VSTM2L: variants seen among roughly 807,000 people sequenced by gnomAD.
VSTM2L encodes the protein V-set and transmembrane domain containing 2 like.
In VSTM2L, 9 loss-of-function variants were observed where a neutral mutation model predicts 19.9. The ratio of observed to expected loss-of-function variants is 0.45; its 90% CI spans 0.27 to 0.79. VSTM2L has a LOEUF of 0.79. VSTM2L is among the 30% of genes least tolerant of loss of function. The pLI is 0.15. For missense variants in VSTM2L, 286 were observed against 295.5 expected, an observed-to-expected ratio of 0.97 and a Z score of 0.24; for synonymous variants, 127 against 133.8, an observed-to-expected ratio of 0.95 and a Z score of 0.35.
At position 37,945,089 on chromosome 20, in the gene VSTM2L, G is replaced by T; in HGVS notation, c.*836G>T. ...GTGCCAAGTCCGCCCCAGGGCCTGG[G>T]GCTGTTGGGAGCCAAGGGCCCCCTG... On this transcript the variant is annotated 3_prime_UTR_variant, in exon 4 of 4. Coordinates refer to ENST00000373461, the MANE Select transcript of VSTM2L (RefSeq NM_080607.3). 1.0e-6 allele frequency: 1 copy of T among 985,766 alleles called. No homozygotes were observed. Among genetic ancestry groups the T allele is most frequent in the Non-Finnish European group, 1.2e-6 (1 of 829,918 alleles). 61.1% of individuals were successfully genotyped at this position (985,766 alleles called of 1,614,324 possible). A position where few individuals can be genotyped will look rare whatever the true frequency, so the allele number is the denominator to read the frequency against.
chr20:37,927,407 C>T (rs1052501492), intron 1 of VSTM2L, among the ~76,000 whole-genome samples: 4 of 152,044 alleles, frequency 2.6e-5, no homozygotes, highest in African/African-American at 7.3e-5. Context: ...ATTCCATGCG[C>T]GCCTTGCAGT....
chr20:37,904,915 C>T (rs1397729338), intron 1 of VSTM2L, among the ~76,000 whole-genome samples: 2 of 152,122 alleles, frequency 1.3e-5, no homozygotes. Context: ...TTTACATACC[C>T]TTCATGCCCC....
intron 1 of VSTM2L, among the ~76,000 whole-genome samples, chr20:37,908,076 C>T (rs2072760469): frequency 6.6e-6 from 1 of 152,350 alleles, no homozygotes; most frequent in South Asian, 2.1e-4. Context: ...CTGCCTTGGG[C>T]TGAGGGTTTC....
chr20:37,903,250 C>G lies in VSTM2L; in HGVS notation c.-101C>G. 4.1e-6 allele frequency: 5 copies of G among 1,233,094 alleles called. No individual in the cohort carries two copies. Among genetic ancestry groups the G allele is most frequent in the Non-Finnish European group, 5.1e-6 (5 of 984,868 alleles). 76.4% of individuals were successfully genotyped at this position (1,233,094 alleles called of 1,614,324 possible). On this transcript the variant is annotated 5_prime_UTR_variant, in exon 1 of 4. Transcript: ENST00000373461. ...GCGGGCGAGGGGCAGCTGCCGGAGC[C>G]GGGCAGCCAGGCCGCTCAGGGCAGG...
intron 3 of VSTM2L, among the ~76,000 whole-genome samples, chr20:37,939,017 T>G (rs56283308): frequency 1.3e-5 from 2 of 152,066 alleles, no homozygotes; most frequent in Non-Finnish European, 2.9e-5. Flanking sequence ...GTGGCCTCTG[T>G]CACCAGCTGG....
Position 37,916,566 on chromosome 20 carries a change from C to T in VSTM2L, c.121+13095C>T, listed in dbSNP as rs1197910674. Among the ~76,000 whole-genome samples the T allele has an allele frequency of 2.6e-5, 4 of 152,260 alleles. No homozygotes were observed. The East Asian group carries it at 7.7e-4, about 29-fold the overall frequency. On this transcript the variant is annotated intron_variant, in intron 1 of 3. Transcript: ENST00000373461. ...AGGCGCCCTGCTTCCAGCTTGCCGGCTCCAGCACTTCCTGCTCAGCTATGT... is the reference window on the plus strand; with the variant it reads ...AGGCGCCCTGCTTCCAGCTTGCCGGTTCCAGCACTTCCTGCTCAGCTATGT...
intron 1 of VSTM2L, among the ~76,000 whole-genome samples, chr20:37,931,022 G>A (rs2072905768): frequency 6.6e-6 from 1 of 152,164 alleles, no homozygotes; most frequent in Non-Finnish European, 1.5e-5. Context: ...AAGAGGGGTG[G>A]AGGGAAGGGC....
rs996701038 is a variant in VSTM2L at position 37,944,535 on chromosome 20, C to T, written c.*282C>T. ...CTGGGGCAGGGACCATGCTGGGGCC[C>T]GGGGCCACCCCCTTCCTGTCACCAG... On this transcript the variant is annotated 3_prime_UTR_variant, in exon 4 of 4. Transcript: ENST00000373461. 30 of 1,194,076 alleles carry T rather than the reference C, an allele frequency of 2.5e-5. No individual in the cohort carries two copies. Among genetic ancestry groups the T allele is most frequent in the Middle Eastern group, 6.6e-4 (2 of 3,052 alleles). 74.0% of individuals were successfully genotyped at this position (1,194,076 alleles called of 1,614,324 possible). A position where few individuals can be genotyped will look rare whatever the true frequency, so the allele number is the denominator to read the frequency against.
At chr20:37,905,143 C>T (rs138800309) in intron 1 of VSTM2L, among the ~76,000 whole-genome samples, 176 of 152,216 alleles carry the variant, frequency 1.2e-3, no homozygotes, top group African/African-American at 4.0e-3. Flanking sequence ...CAGATTCCCT[C>T]CCATTCTAGG....
intron 1 of VSTM2L, among the ~76,000 whole-genome samples, chr20:37,914,855 G>A (rs1229661925): frequency 6.6e-6 from 1 of 152,202 alleles, no homozygotes; most frequent in Admixed American, 6.5e-5. Flanking sequence ...CATTTTAAGG[G>A]TGTCTCTTGG....
In VSTM2L at chr20:37,911,235, CAAAAAAAAAAA is replaced by C. The variant is rs11352183; in HGVS notation, c.121+7778_121+7788del. ...CAGTGAGCCTAGTGAGACTCCATCTCAAAAAAAAAAAAAAAAAAAAAAAAGCTGGGATGATA... is the reference window on the plus strand; with the variant it reads ...CAGTGAGCCTAGTGAGACTCCATCTCAAAAAAAAAAAAAGCTGGGATGATA... On this transcript the variant is annotated intron_variant, in intron 1 of 3. Coordinates refer to ENST00000373461, the MANE Select transcript of VSTM2L (RefSeq NM_080607.3). Among the ~76,000 whole-genome samples, 84 of 45,788 alleles carry C rather than the reference CAAAAAAAAAAA, an allele frequency of 1.8e-3. 1 individual carries two copies. In the East Asian group the frequency reaches 0.045, roughly 24 times the overall value. The allele number at this position is 45,788 out of a possible 152,430, so 30.0% of individuals were successfully genotyped here.
At chr20:37,932,824 G>T (rs933680981) in intron 2 of VSTM2L, among the ~76,000 whole-genome samples, 4 of 152,276 alleles carry the variant, frequency 2.6e-5, no homozygotes, top group Admixed American at 6.5e-5. Flanking sequence ...CAAACATAGA[G>T]ATCTGCCCAC....
intron 1 of VSTM2L, among the ~76,000 whole-genome samples, chr20:37,921,051 C>T (rs914589205): frequency 2.6e-5 from 4 of 152,180 alleles, no homozygotes; most frequent in South Asian, 2.1e-4. Flanking sequence ...AGACACCTGT[C>T]ATATAACATC....
At chr20:37,925,701 C>G (rs573947817) in intron 1 of VSTM2L, among the ~76,000 whole-genome samples, 1 of 152,320 alleles carries the variant, frequency 6.6e-6, no homozygotes, top group Non-Finnish European at 1.5e-5. Flanking sequence ...CCTAACCCAC[C>G]GCCCGTAGGC....
intron 1 of VSTM2L, among the ~76,000 whole-genome samples, chr20:37,930,033 A>G (rs1404415921): frequency 4.6e-5 from 7 of 152,172 alleles, no homozygotes; most frequent in Admixed American, 3.9e-4. Flanking sequence ...TTAACTAACC[A>G]GGCCTTGTTT....
chr20:37,933,225 A>G (rs1271116728), intron 2 of VSTM2L, among the ~76,000 whole-genome samples: 1 of 152,220 alleles, frequency 6.6e-6, no homozygotes, highest in Non-Finnish European at 1.5e-5. Context: ...TACCAAGCCA[A>G]TGCTTAGATT....
chr20:37,907,129 C>A (rs2072755702), intron 1 of VSTM2L, among the ~76,000 whole-genome samples: 1 of 152,202 alleles, frequency 6.6e-6, no homozygotes, highest in Non-Finnish European at 1.5e-5. Context: ...TCTCTTGAGA[C>A]AAGATCTTGC....
At chr20:37,915,020 G>A (rs539858811) in intron 1 of VSTM2L, among the ~76,000 whole-genome samples, 1 of 152,252 alleles carries the variant, frequency 6.6e-6, no homozygotes. Flanking sequence ...GGCAATTAGG[G>A]CCTGCTCGCT....
intron 1 of VSTM2L, among the ~76,000 whole-genome samples, chr20:37,909,217 C>T (rs1263458174): frequency 6.6e-6 from 1 of 152,204 alleles, no homozygotes; most frequent in South Asian, 2.1e-4. Context: ...GCTATCCCAG[C>T]GACCCTCCAA....
Sources: allele counts gnomAD v4.1 joint callset (sites outside exome capture counted in the v4.1 genomes callset), GRCh38; gene constraint gnomAD v4.1.1; transcripts MANE v1.5; gene names NCBI Gene and HGNC (gene_info 2026-07-23, HGNC 2026-07-21).